The following PDE10A variants were observed in gnomAD, a reference collection of about 807,000 sequenced individuals.
PDE10A encodes cAMP and cAMP-inhibited cGMP 3',5'-cyclic phosphodiesterase 10A.
PDE10A carries 39 observed loss-of-function variants against 97.7 expected under a neutral mutation model. The observed-to-expected ratio is 0.40, with a 90% CI of 0.31 to 0.52. The LOEUF is 0.52. Ranked by LOEUF, PDE10A falls within the 20% of genes least tolerant of loss-of-function variation. PDE10A has a pLI of 0.56. For synonymous variants in PDE10A, 371 were observed against 376.8 expected (o/e 0.98, Z 0.18); for missense variants, 731 against 1,047.8 (o/e 0.70, Z 4.17).
chr6:165,794,764 G>T (rs974405338), intron 1 of PDE10A, among the ~76,000 whole-genome samples: 1 of 152,182 alleles, frequency 6.6e-6, no homozygotes, highest in Non-Finnish European at 1.5e-5. Context: ...ATGTCTCCCT[G>T]ACACAATCAT....
chr6:165,539,693 G>C (rs538119020), intron 2 of PDE10A, among the ~76,000 whole-genome samples: 2 of 152,148 alleles, frequency 1.3e-5, no homozygotes, highest in African/African-American at 4.8e-5. Flanking sequence ...AGGCTGGGGT[G>C]GGGGATCACT....
At chr6:165,986,156 G>A (rs1262856439) in intron 1 of PDE10A, 1 of 152,814 alleles carries the variant, frequency 6.5e-6, no homozygotes, top group Admixed American at 6.5e-5. Flanking sequence ...TCCTCCTCTG[G>A]GAGCTGGGGT....
intron 1 of PDE10A, among the ~76,000 whole-genome samples, chr6:165,677,383 G>A (rs1430149554): frequency 2.6e-5 from 4 of 152,186 alleles, no homozygotes; most frequent in Non-Finnish European, 5.9e-5. Context: ...TTCCTTAAAA[G>A]CTGTCTCTCT....
intron 1 of PDE10A, among the ~76,000 whole-genome samples, chr6:165,818,211 C>T (rs1283176041): frequency 6.6e-6 from 1 of 151,100 alleles, no homozygotes; most frequent in Non-Finnish European, 1.5e-5. Context: ...CATTCCATCT[C>T]CTCCTCCTTA....
At chr6:165,801,993 G>A (rs1050101901) in intron 1 of PDE10A, among the ~76,000 whole-genome samples, 1 of 152,170 alleles carries the variant, frequency 6.6e-6, no homozygotes, top group Non-Finnish European at 1.5e-5. Context: ...AAAATGTAAA[G>A]GCCTGGAACT....
intron 1 of PDE10A, among the ~76,000 whole-genome samples, chr6:165,940,952 A>G (rs1302985195): frequency 2.6e-5 from 4 of 152,228 alleles, no homozygotes; most frequent in South Asian, 2.1e-4. Flanking sequence ...TAGTGCCTTT[A>G]GAAGAAACAT....
At chr6:165,916,557 C>A (rs1288219415) in intron 1 of PDE10A, among the ~76,000 whole-genome samples, 1 of 152,210 alleles carries the variant, frequency 6.6e-6, no homozygotes, top group Non-Finnish European at 1.5e-5. Flanking sequence ...AATGACAAGA[C>A]CTAATGACAA....
rs1214281819 is a variant in PDE10A, at chr6:165,339,220, T to C, written c.2976+58A>G. The stretch of plus-strand genomic sequence containing the variant: ...CATGCTTTCCATTTATGTATGATTT[T>C]ATGCCCACCTTAAACTATTTGGCTT... On this transcript the variant is annotated intron_variant, in intron 20 of 21. Transcript: ENST00000539869. 4 of 964,662 alleles carry C rather than the reference T, an allele frequency of 4.1e-6. No individual in the cohort carries two copies. In the Admixed American group the frequency reaches 6.8e-5, roughly 16 times the overall value. The allele number at this position is 964,662 out of a possible 1,614,324, so 59.8% of individuals were successfully genotyped here. A position where few individuals can be genotyped will look rare whatever the true frequency, so the allele number is the denominator to read the frequency against.
Position 165,554,775 on chromosome 6 carries a change from T to C in PDE10A, c.866-11207A>G, listed in dbSNP as rs571725003. Among the ~76,000 whole-genome samples, 9 of 152,228 alleles carry C rather than the reference T, an allele frequency of 5.9e-5. No individual in the cohort carries two copies. In the South Asian group the frequency reaches 1.9e-3, roughly 32 times the overall value. ...GATTTGGAAGCAACCTAAGTATCCA[T>C]CAACAGATGAATGGATAAAGAAAAT... On this transcript the variant is annotated intron_variant, in intron 1 of 21. Coordinates refer to ENST00000539869, the MANE Select transcript of PDE10A (RefSeq NM_001385079.1).
At chr6:165,875,242 C>T (rs1781301243) in intron 1 of PDE10A, among the ~76,000 whole-genome samples, 1 of 152,104 alleles carries the variant, frequency 6.6e-6, no homozygotes, top group South Asian at 2.1e-4. Context: ...GGAGAGGTTG[C>T]TACACTGTCT....
chr6:165,638,197 G>C (rs1214197658), intron 1 of PDE10A, among the ~76,000 whole-genome samples: 6 of 150,650 alleles, frequency 4.0e-5, no homozygotes, highest in African/African-American at 1.5e-4. Context: ...CACCAAAAAA[G>C]AAAAGAAAAA....
At chr6:165,964,072 CTCAT>C (rs1339034608) in intron 1 of PDE10A, among the ~76,000 whole-genome samples, 1 of 152,242 alleles carries the variant, frequency 6.6e-6, no homozygotes, top group African/African-American at 2.4e-5. Context: ...TCTCAGCTCT[CTCAT>C]TATTTTCTCT....
intron 2 of PDE10A, among the ~76,000 whole-genome samples, chr6:165,525,746 G>C (rs1031644835): frequency 6.6e-6 from 1 of 152,140 alleles, no homozygotes; most frequent in East Asian, 1.9e-4. Flanking sequence ...GGTACTCAAC[G>C]GTCAAAGGCA....
In PDE10A at chr6:165,433,140, A is replaced by G; in HGVS notation, c.1336-11T>C. On this transcript the variant is annotated splice_polypyrimidine_tract_variant and intron_variant, in intron 6 of 21. Transcript: ENST00000539869. ...TGGAAATCGTTCATCCTGAAAAACA[A>G]AAAGACAAAAAGACATAAATTCAGT... is the stretch of plus-strand genomic sequence containing the variant. 4 of 1,591,692 alleles carry G rather than the reference A, an allele frequency of 2.5e-6. No homozygotes were observed. Among genetic ancestry groups the G allele is most frequent in the Admixed American group, 1.7e-5 (1 of 58,050 alleles).
At chr6:165,549,067 T>C (rs1406754414) in intron 1 of PDE10A, among the ~76,000 whole-genome samples, 1 of 152,218 alleles carries the variant, frequency 6.6e-6, no homozygotes, top group East Asian at 1.9e-4. Flanking sequence ...ACCTAGTCGA[T>C]CTCAACAGCT....
At chr6:165,625,073 G>C (rs909550360) in intron 1 of PDE10A, among the ~76,000 whole-genome samples, 3 of 151,898 alleles carry the variant, frequency 2.0e-5, no homozygotes, top group Non-Finnish European at 4.4e-5. Context: ...TTGACCCAGT[G>C]AGAGAGAGAG....
chr6:165,618,327 T>C (rs1382357556), intron 1 of PDE10A, among the ~76,000 whole-genome samples: 1 of 152,186 alleles, frequency 6.6e-6, no homozygotes. Flanking sequence ...AAATTCACTC[T>C]CTGATAACAA....
chr6:165,370,946 C>A lies in PDE10A; in HGVS notation c.2783+8248G>T, dbSNP rs563977239. 7.8e-4 allele frequency among the ~76,000 whole-genome samples: 107 copies of A among 137,458 alleles called. 2 individuals carry two copies. Among genetic ancestry groups the A allele is most frequent in the Admixed American group, 1.0e-3 (14 of 13,372 alleles). The allele number at this position is 137,458 out of a possible 152,430, so 90.2% of individuals were successfully genotyped here. A position where few individuals can be genotyped will look rare whatever the true frequency, so the allele number is the denominator to read the frequency against. ...AAACTCACTCAAAACTGCTCAACTA[C>A]ATGGAAACTGAACAACCTGCTCCTG... is the stretch of plus-strand genomic sequence containing the variant. On this transcript the variant is annotated intron_variant, in intron 18 of 21. Transcript: ENST00000539869.
intron 1 of PDE10A, among the ~76,000 whole-genome samples, chr6:165,638,723 G>A (rs1252895743): frequency 3.9e-5 from 6 of 152,062 alleles, no homozygotes; most frequent in African/African-American, 1.2e-4. Flanking sequence ...AGGTTAAGTC[G>A]CCCACACAAC....
Sources: gnomAD v4.1 joint callset for allele counts (sites outside exome capture counted in the v4.1 genomes callset) on GRCh38, gnomAD v4.1.1 for gene constraint, MANE v1.5 for transcripts, NCBI Gene and HGNC (gene_info 2026-07-23, HGNC 2026-07-21) for gene names.